Variants in TOR3A observed in about 807,000 individuals in gnomAD.
The protein encoded by TOR3A is torsin family 3 member A.
In TOR3A, 44 loss-of-function variants were observed where a neutral mutation model predicts 42.1. That is an observed-to-expected ratio of 1.04 (90% CI 0.82 to 1.34). TOR3A has a LOEUF of 1.34. TOR3A is among the 40% of genes most tolerant of loss of function. The pLI, the probability that TOR3A is intolerant of heterozygous loss-of-function variation, is 0.00. For missense variants in TOR3A, 521 were observed against 507.6 expected (o/e 1.03, Z -0.25); for synonymous variants, 227 against 213.2 (o/e 1.06, Z -0.57).
chr1:179,087,408 G>A (rs1252066259), intron 3 of TOR3A, among the ~76,000 whole-genome samples: 3 of 152,172 alleles, frequency 2.0e-5, no homozygotes, highest in Admixed American at 2.0e-4. Flanking sequence ...CTGGGCACAT[G>A]AGCCTCTCTT....
Position 179,093,888 on chromosome 1 carries a change from A to G in TOR3A, c.819-205A>G, listed in dbSNP as rs544169587. On this transcript the variant is annotated intron_variant, in intron 4 of 5. Transcript: ENST00000367627. The stretch of plus-strand genomic sequence containing the variant: ...AGTGTGTGTCAAGAGGGAACAAGAG[A>G]GAATGGGTGGCAAAACTGGACAGTG... Among the ~76,000 whole-genome samples, 3 of 152,236 alleles carry G rather than the reference A, an allele frequency of 2.0e-5. No individual in the cohort carries two copies. The South Asian group carries it at 6.2e-4, about 32-fold the overall frequency.
chr1:179,094,964 T>TCAGA lies in TOR3A; in HGVS notation c.944-1_946dup, dbSNP rs1652692415. On this transcript the variant is annotated splice_polypyrimidine_tract_variant and splice_region_variant and intron_variant, in intron 5 of 5. Coordinates refer to ENST00000367627, the MANE Select transcript of TOR3A (RefSeq NM_022371.4). ...ACTCCATGTAACTTTGGTCTTGCTTTCAGACAATGGCTTTGGCCACAGCCG... is the reference window on the plus strand; with the variant it reads ...ACTCCATGTAACTTTGGTCTTGCTTTCAGACAGACAATGGCTTTGGCCACAGCCG... 2 of 1,614,082 alleles carry TCAGA rather than the reference T, an allele frequency of 1.2e-6. No individual in the cohort carries two copies. The highest frequency in any genetic ancestry group is 2.7e-5 in the African/African-American group (2 of 74,944).
chr1:179,083,621 G>A (rs1289914560), intron 2 of TOR3A, among the ~76,000 whole-genome samples: 1 of 146,226 alleles, frequency 6.8e-6, no homozygotes, highest in Non-Finnish European at 1.5e-5. Flanking sequence ...ATGTTGGCCA[G>A]GCCGGTCTCG....
chr1:179,095,210 C>G lies in TOR3A; in HGVS notation c.1186C>G (p.Leu396Val). Residue 396 changes from leucine (L) to valine (V), a missense_variant, in exon 6 of 6, where the codon CTG becomes GTG. Transcript: ENST00000367627. ...TATTTCCCAGAGGATTAACTACTTC[C>G]TGTCATGAAGGCTAGAGGAAGACTT... The part of the protein sequence containing the change: ...KSISQRINYF[L>V]S 1.2e-6 allele frequency: 2 copies of G among 1,614,060 alleles called. No homozygotes were observed. The highest frequency in any genetic ancestry group is 1.7e-6 in the Non-Finnish European group (2 of 1,180,000).
chr1:179,082,436 A>G (rs769425222), intron 1 of TOR3A, 49 bp downstream of exon 1: 1 of 1,555,634 alleles, frequency 6.4e-7, no homozygotes, highest in South Asian at 1.2e-5. Context: ...GCAGAGTGCG[A>G]TCCGGGCGCG....
chr1:179,095,475 A>G lies in TOR3A; in HGVS notation c.*257A>G. 1 of 1,352,746 alleles carries G rather than the reference A, an allele frequency of 7.4e-7. No homozygotes were observed. The highest frequency in any genetic ancestry group is 1.8e-5 in the South Asian group (1 of 55,828). The allele number at this position is 1,352,746 out of a possible 1,614,324, so 83.8% of individuals were successfully genotyped here. A position where few individuals can be genotyped will look rare whatever the true frequency, so the allele number is the denominator to read the frequency against. On this transcript the variant is annotated 3_prime_UTR_variant, in exon 6 of 6. Transcript: ENST00000367627. ...GAATTCAAAAACAGAGCCCATTCTTAAGATCACTTGGTGCCTTAAAGACAC... is the reference window on the plus strand; with the variant it reads ...GAATTCAAAAACAGAGCCCATTCTTGAGATCACTTGGTGCCTTAAAGACAC...
intron 4 of TOR3A, among the ~76,000 whole-genome samples, chr1:179,092,155 G>GA (rs1416334542): frequency 6.6e-6 from 1 of 152,210 alleles, no homozygotes; most frequent in Non-Finnish European, 1.5e-5. Context: ...AGGGAAGGAC[G>GA]CCTGCCCAGC....
At chr1:179,088,642 C>G (rs1652498227) in intron 4 of TOR3A, 1 of 152,330 alleles carries the variant, frequency 6.6e-6, no homozygotes, top group African/African-American at 2.4e-5. Flanking sequence ...CCAGGGTATA[C>G]GGGTTGAGAA....
At chr1:179,087,113 G>A (rs1652456612) in intron 3 of TOR3A, among the ~76,000 whole-genome samples, 1 of 152,222 alleles carries the variant, frequency 6.6e-6, no homozygotes, top group African/African-American at 2.4e-5. Flanking sequence ...CCCCCACAAA[G>A]GTGCACCCAG....
At position 179,094,971 on chromosome 1, in the gene TOR3A, A is replaced by T; in HGVS notation, c.947A>T (p.Asn316Ile). 1 of 1,614,184 alleles carries T rather than the reference A, an allele frequency of 6.2e-7. No homozygotes were observed. ...LQAEIVETID[N>I]GFGHSRLVKE... Reference sequence around the variant, plus strand: ...GTAACTTTGGTCTTGCTTTCAGACAATGGCTTTGGCCACAGCCGTCTTGTG... The same window carrying T: ...GTAACTTTGGTCTTGCTTTCAGACATTGGCTTTGGCCACAGCCGTCTTGTG... Residue 316 changes from asparagine to isoleucine, a missense_variant, in exon 6 of 6, where the codon AAT (asparagine) becomes ATT (isoleucine). Coordinates refer to ENST00000367627, the MANE Select transcript of TOR3A (RefSeq NM_022371.4).
intron 2 of TOR3A, among the ~76,000 whole-genome samples, chr1:179,083,737 G>A (rs1652360608): frequency 6.6e-6 from 1 of 152,090 alleles, no homozygotes; most frequent in South Asian, 2.1e-4. Flanking sequence ...AGTTTGGGTT[G>A]CTTGATTTGC....
rs1652716255 is a variant in TOR3A at position 179,095,448 on chromosome 1, C to T, written c.*230C>T. The T allele has an allele frequency of 7.2e-7, 1 of 1,383,634 alleles. No individual in the cohort carries two copies. The highest frequency in any genetic ancestry group is 9.3e-7 in the Non-Finnish European group (1 of 1,072,132). The allele number at this position is 1,383,634 out of a possible 1,614,324, so 85.7% of individuals were successfully genotyped here. On this transcript the variant is annotated 3_prime_UTR_variant, in exon 6 of 6. Transcript: ENST00000367627. ...CCGAGATAGATAGGAACTTGGATTG[C>T]TGAATTCAAAAACAGAGCCCATTCT...
At chr1:179,094,788 G>A (rs1405585553) in intron 5 of TOR3A, among the ~76,000 whole-genome samples, 180 bp from the exon 6 acceptor site, 1 of 152,160 alleles carries the variant, frequency 6.6e-6, no homozygotes, top group Non-Finnish European at 1.5e-5. Context: ...TGAGATGGGA[G>A]GATCCCTTGA....
At position 179,095,413 on chromosome 1, in the gene TOR3A, G is replaced by A; in HGVS notation, c.*195G>A. 15 of 1,366,524 alleles carry A rather than the reference G, an allele frequency of 1.1e-5. No individual in the cohort carries two copies. Among genetic ancestry groups the A allele is most frequent in the South Asian group, 5.7e-5 (3 of 52,896 alleles). The allele number at this position is 1,366,524 out of a possible 1,614,324, so 84.6% of individuals were successfully genotyped here. ...CAAGCCAATCCTTTTTCTTTTTTTTGGAGGTCCCACCGAGATAGATAGGAA... is the reference window on the plus strand; with the variant it reads ...CAAGCCAATCCTTTTTCTTTTTTTTAGAGGTCCCACCGAGATAGATAGGAA... On this transcript the variant is annotated 3_prime_UTR_variant, in exon 6 of 6. Coordinates refer to ENST00000367627, the MANE Select transcript of TOR3A (RefSeq NM_022371.4).
At chr1:179,094,894 A>G (rs1652690852) in intron 5 of TOR3A, 74 bp from the exon 6 acceptor site, 4 of 1,457,168 alleles carry the variant, frequency 2.7e-6, no homozygotes, top group Non-Finnish European at 3.8e-6. Context: ...ACCAACAGCA[A>G]CCCCCACCCC....
At position 179,094,101 on chromosome 1, in the gene TOR3A, G is replaced by T; in HGVS notation, c.827G>T (p.Arg276Met). Residue 276 changes from arginine (R) to methionine (M), a missense_variant, in exon 5 of 6, where the codon AGG (arginine) becomes ATG (methionine). Coordinates refer to ENST00000367627, the MANE Select transcript of TOR3A (RefSeq NM_022371.4). ...GCTCTTGTCTCTTTCAGTAATCTCA[G>T]GGGCGATATAATCAATGAGGTGGTC... ...WTIFLFLSNLRGDIINEVVLK... is the reference protein window; with the variant it reads ...WTIFLFLSNLMGDIINEVVLK... The T allele has an allele frequency of 6.2e-7, 1 of 1,613,366 alleles. No individual in the cohort carries two copies. Among genetic ancestry groups the T allele is most frequent in the Non-Finnish European group, 8.5e-7 (1 of 1,179,732 alleles).
At chr1:179,093,982 G>A (rs1430444666) in intron 4 of TOR3A, 111 bp from the exon 5 acceptor site, 9 of 1,363,908 alleles carry the variant, frequency 6.6e-6, no homozygotes, top group South Asian at 2.8e-5. Flanking sequence ...GAAGGTCCAC[G>A]CCCCTCAGCC....
At position 179,082,677 on chromosome 1, in the gene TOR3A, C is replaced by G. The variant is rs186143279; in HGVS notation, c.260-263C>G. 6.4e-5 allele frequency: 45 copies of G among 705,108 alleles called. 2 individuals are homozygous for G. In the Middle Eastern group the frequency reaches 4.2e-3, roughly 66 times the overall value. 43.7% of individuals were successfully genotyped at this position (705,108 alleles called of 1,614,324 possible). On this transcript the variant is annotated intron_variant, in intron 1 of 5. Coordinates refer to ENST00000367627, the MANE Select transcript of TOR3A (RefSeq NM_022371.4). Reference sequence around the variant, plus strand: ...TCTCTCGCACCGCCTGTGCCATCTCCCAGCCCACCCTGGCGTTATTCGAAG... The same window carrying G: ...TCTCTCGCACCGCCTGTGCCATCTCGCAGCCCACCCTGGCGTTATTCGAAG...
At chr1:179,092,870 G>C (rs915881995) in intron 4 of TOR3A, among the ~76,000 whole-genome samples, 2 of 151,910 alleles carry the variant, frequency 1.3e-5, no homozygotes, top group African/African-American at 4.8e-5. Context: ...TGGGTAGGGT[G>C]GCATGTACCT....
Sources: gnomAD v4.1 joint callset for allele counts (sites outside exome capture counted in the v4.1 genomes callset) on GRCh38, gnomAD v4.1.1 for gene constraint, MANE v1.5 for transcripts, NCBI Gene and HGNC (gene_info 2026-07-23, HGNC 2026-07-21) for gene names.